The following DACH1 variants were observed in gnomAD, a reference collection of about 807,000 sequenced individuals.
DACH1 encodes the protein dachshund family transcription factor 1.
In DACH1, 12 loss-of-function variants were observed where a neutral mutation model predicts 54.2. That is an observed-to-expected ratio of 0.22 (90% CI 0.14 to 0.36). The LOEUF is 0.36. DACH1 is among the 10% of genes least tolerant of loss of function. The pLI, the probability that DACH1 is intolerant of heterozygous loss-of-function variation, is 1.00. For missense variants in DACH1, 805 were observed against 929.8 expected (o/e 0.87, Z 1.75); for synonymous variants, 386 against 366.2 (o/e 1.05, Z -0.62).
At chr13:71,530,175 T>C (rs901249679) in intron 6 of DACH1, among the ~76,000 whole-genome samples, 2 of 152,180 alleles carry the variant, frequency 1.3e-5, no homozygotes, top group African/African-American at 4.8e-5. Flanking sequence ...TGTGGACATA[T>C]ATGACTTGGA....
At chr13:71,721,983 C>G (rs140630522) in intron 1 of DACH1, among the ~76,000 whole-genome samples, 434 of 152,104 alleles carry the variant, frequency 2.9e-3, no homozygotes, top group Non-Finnish European at 4.0e-3. Context: ...AAATTATGCT[C>G]TTAGGCAATT....
chr13:71,472,221 A>G (rs1877142860), intron 10 of DACH1, among the ~76,000 whole-genome samples: 1 of 152,230 alleles, frequency 6.6e-6, no homozygotes, highest in African/African-American at 2.4e-5. Flanking sequence ...GCAATAAAGA[A>G]TCTACCCTGC....
chr13:71,746,044 C>A (rs996021000), intron 1 of DACH1, among the ~76,000 whole-genome samples: 8 of 152,056 alleles, frequency 5.3e-5, no homozygotes, highest in African/African-American at 1.7e-4. Flanking sequence ...ATGGTGAAAA[C>A]CCCTCTCTAC....
At chr13:71,458,015 T>C (rs950235017) in intron 10 of DACH1, among the ~76,000 whole-genome samples, 1 of 151,978 alleles carries the variant, frequency 6.6e-6, no homozygotes. Flanking sequence ...ATTTTCTTAG[T>C]ACTACAATTT....
At position 71,681,868 on chromosome 13, in the gene DACH1, G is replaced by C. The variant is rs1880920083; in HGVS notation, c.891C>G (p.Thr297=). ...GCATGATGTGAGAGTTCTCTGGGGA[G>C]GTGACACTTTGAGTCCTCTTAGGAG... The part of the protein sequence containing the change: ...GRPPKRTQSV[T]SPENSHIMPH... Residue 297 remains threonine, a synonymous_variant, in exon 2 of 11, where the codon ACC becomes ACG. Transcript: ENST00000613252. 2 of 1,613,742 alleles carry C rather than the reference G, an allele frequency of 1.2e-6. No homozygotes were observed. The highest frequency in any genetic ancestry group is 1.7e-6 in the Non-Finnish European group (2 of 1,179,846).
chr13:71,554,091 T>G (rs931872721), intron 6 of DACH1, among the ~76,000 whole-genome samples: 2 of 151,976 alleles, frequency 1.3e-5, no homozygotes, highest in Non-Finnish European at 2.9e-5. Flanking sequence ...GAGATATGAG[T>G]TGTAGGAAAG....
At chr13:71,758,842 G>A (rs892162236) in intron 1 of DACH1, among the ~76,000 whole-genome samples, 1 of 152,038 alleles carries the variant, frequency 6.6e-6, no homozygotes, top group African/African-American at 2.4e-5. Context: ...CACTGTTAAG[G>A]CCTGCTTTGA....
At chr13:71,682,586 C>A (rs975976786) in intron 1 of DACH1, among the ~76,000 whole-genome samples, 3 of 151,952 alleles carry the variant, frequency 2.0e-5, no homozygotes, top group African/African-American at 7.3e-5. Context: ...ATCATTTAAC[C>A]CTTATTCTAT....
intron 1 of DACH1, among the ~76,000 whole-genome samples, chr13:71,775,619 T>A (rs1398094002): frequency 6.6e-6 from 1 of 152,158 alleles, no homozygotes; most frequent in Non-Finnish European, 1.5e-5. Context: ...GTCTTAGTTG[T>A]AAAATGTGAA....
At chr13:71,846,555 C>T (rs1404875348) in intron 1 of DACH1, among the ~76,000 whole-genome samples, 7 of 152,160 alleles carry the variant, frequency 4.6e-5, no homozygotes, top group Admixed American at 1.3e-4. Context: ...ACTTGAACCC[C>T]GGAGGCGGAT....
chr13:71,556,974 C>A (rs1884293037), intron 6 of DACH1, 50 bp downstream of exon 6: 8 of 1,511,466 alleles, frequency 5.3e-6, no homozygotes, highest in African/African-American at 1.4e-5. Flanking sequence ...AAATCTAGTT[C>A]TAAAATCTAT....
At chr13:71,562,603 A>C (rs993610871) in intron 4 of DACH1, among the ~76,000 whole-genome samples, 8 of 152,124 alleles carry the variant, frequency 5.3e-5, no homozygotes, top group African/African-American at 1.7e-4. Context: ...TGGAAAACGA[A>C]TATATTATCA....
rs933290854 is a variant in DACH1 at position 71,439,443 on chromosome 13, A to T, written c.*1212T>A. On this transcript the variant is annotated 3_prime_UTR_variant, in exon 11 of 11. Coordinates refer to ENST00000613252, the MANE Select transcript of DACH1 (RefSeq NM_080759.6). ...AAGCACAGCACATTTTAACTTTATC[A>T]CTCAGCGCTACATGGTATTGGACTG... 1 of 152,374 alleles carries T rather than the reference A, an allele frequency of 6.6e-6. No individual in the cohort carries two copies. The highest frequency in any genetic ancestry group is 6.6e-5 in the Admixed American group (1 of 15,234). The allele number at this position is 152,374 out of a possible 1,614,324, so 9.4% of individuals were successfully genotyped here.
chr13:71,838,589 T>C lies in DACH1; in HGVS notation c.848+27333A>G, dbSNP rs989177384. Among the ~76,000 whole-genome samples the C allele has an allele frequency of 1.4e-3, 220 of 152,334 alleles. 3 individuals are homozygous for C. The highest frequency in any genetic ancestry group is 3.8e-4 in the Non-Finnish European group (26 of 68,020). On this transcript the variant is annotated intron_variant, in intron 1 of 10. Coordinates refer to ENST00000613252, the MANE Select transcript of DACH1 (RefSeq NM_080759.6). Reference sequence around the variant, plus strand: ...ATCGTATCACCCAAAACAATGTGCATGATTGTTTATAAGCCATCTGGTGTG... The same window carrying C: ...ATCGTATCACCCAAAACAATGTGCACGATTGTTTATAAGCCATCTGGTGTG...
intron 1 of DACH1, among the ~76,000 whole-genome samples, chr13:71,693,984 T>C (rs932481965): frequency 2.0e-5 from 3 of 152,120 alleles, no homozygotes; most frequent in Non-Finnish European, 4.4e-5. Flanking sequence ...TTTGTTTGTA[T>C]TAAATGATTG....
At chr13:71,596,786 T>A (rs1015620857) in intron 3 of DACH1, among the ~76,000 whole-genome samples, 1 of 152,124 alleles carries the variant, frequency 6.6e-6, no homozygotes, top group African/African-American at 2.4e-5. Context: ...AGGGGAAAAT[T>A]ACATTTTTGG....
At chr13:71,757,915 C>T (rs921563396) in intron 1 of DACH1, among the ~76,000 whole-genome samples, 1 of 151,874 alleles carries the variant, frequency 6.6e-6, no homozygotes, top group African/African-American at 2.4e-5. Context: ...CACTGAAGTG[C>T]CTTTAGGAAG....
At chr13:71,450,449 C>T (rs1874935880) in intron 10 of DACH1, among the ~76,000 whole-genome samples, 1 of 152,028 alleles carries the variant, frequency 6.6e-6, no homozygotes, top group South Asian at 2.1e-4. Context: ...CTGACTGTTC[C>T]ACCAACAACT....
intron 1 of DACH1, among the ~76,000 whole-genome samples, chr13:71,855,052 G>A (rs1873910879): frequency 1.3e-5 from 2 of 151,976 alleles, no homozygotes; most frequent in African/African-American, 2.4e-5. Context: ...ATGATAGTAA[G>A]GAAAGTGGTA....
Sources: gnomAD v4.1 joint callset for allele counts (sites outside exome capture counted in the v4.1 genomes callset) on GRCh38, gnomAD v4.1.1 for gene constraint, MANE v1.5 for transcripts, NCBI Gene and HGNC (gene_info 2026-07-23, HGNC 2026-07-21) for gene names.